The following MROH2B variants were observed in gnomAD, a reference collection of about 807,000 sequenced individuals.
MROH2B encodes maestro heat-like repeat-containing protein family member 2B.
In MROH2B, 177 loss-of-function variants were observed where a neutral mutation model predicts 208.6. That is an observed-to-expected ratio of 0.85 (90% CI 0.75 to 0.96). The LOEUF (loss-of-function observed/expected upper bound fraction) is 0.96. Among genes scored for constraint, MROH2B ranks in the 40% least tolerant of loss-of-function variants. MROH2B has a pLI of 0.00. For missense variants in MROH2B, 2,002 were observed against 1,878.7 expected, an observed-to-expected ratio of 1.07 and a Z score of -1.21; for synonymous variants, 728 against 659.0, an observed-to-expected ratio of 1.10 and a Z score of -1.60.
rs139957235 is a variant in MROH2B at position 41,028,600 on chromosome 5, A to G, written c.2441+4142T>C. ...TGTCTGGCTTATTTTACATAGTATAATGTTGTACAGGTCCACTCATGTTGT... is the reference window on the plus strand; with the variant it reads ...TGTCTGGCTTATTTTACATAGTATAGTGTTGTACAGGTCCACTCATGTTGT... On this transcript the variant is annotated intron_variant, in intron 24 of 41. Transcript: ENST00000399564. Among the ~76,000 whole-genome samples, 38 of 152,248 alleles carry G rather than the reference A, an allele frequency of 2.5e-4. No homozygotes were observed. The East Asian group carries it at 5.4e-3, about 22-fold the overall frequency.
chr5:41,039,487 T>C lies in MROH2B; in HGVS notation c.2022A>G (p.Thr674=). The C allele has an allele frequency of 6.2e-7, 1 of 1,605,598 alleles. No homozygotes were observed. Among genetic ancestry groups the C allele is most frequent in the South Asian group, 1.1e-5 (1 of 89,190 alleles). Reference sequence around the variant, plus strand: ...TGAAAAACTTTTCCTGATTTTGGAATGTTTTAAGAACTTTTAAAACAATAT... The same window carrying C: ...TGAAAAACTTTTCCTGATTTTGGAACGTTTTAAGAACTTTTAAAACAATAT... ...HLDIVLKVLK[T]FQNQEKFFMN... is the part of the protein sequence containing the mutation. Residue 674 remains threonine, a synonymous_variant, in exon 20 of 42, where the codon ACA becomes ACG. Transcript: ENST00000399564.
intron 19 of MROH2B, among the ~76,000 whole-genome samples, chr5:41,040,636 A>G (rs1742914540): frequency 1.3e-5 from 2 of 152,256 alleles, no homozygotes; most frequent in South Asian, 4.1e-4. Flanking sequence ...TAAAAAAGGT[A>G]TTTGAGAAGC....
rs1417514321 is a variant in MROH2B, at chr5:41,044,543, G to A, written c.1836+1203C>T. Among the ~76,000 whole-genome samples, 4 of 152,280 alleles carry A rather than the reference G, an allele frequency of 2.6e-5. No homozygotes were observed. In the South Asian group the frequency reaches 8.3e-4, roughly 32 times the overall value. On this transcript the variant is annotated intron_variant, in intron 18 of 41. Coordinates refer to ENST00000399564, the MANE Select transcript of MROH2B (RefSeq NM_173489.5). ...ACCACCATTATTCTAGAGTAATCTT[G>A]TGGGTCTGGAAGCTGTTGAATAAAT...
chr5:40,999,342 T>C (rs1741312182), intron 40 of MROH2B, among the ~76,000 whole-genome samples: 1 of 152,032 alleles, frequency 6.6e-6, no homozygotes, highest in Admixed American at 6.6e-5. Context: ...TCTTATGGGA[T>C]GAGGTGAAGA....
intron 21 of MROH2B, chr5:41,034,212 G>A (rs551379714): frequency 5.7e-5 from 16 of 280,698 alleles, no homozygotes; most frequent in South Asian, 4.1e-4. Flanking sequence ...AATGAGAAGC[G>A]AAAAACTATA....
Position 41,048,401 on chromosome 5 carries a change from AT to A in MROH2B, c.1606del (p.Ile536TyrfsTer5). ...RGAGAIGLLK[I>X]LPEIIHPKLV... ...TTTTGGGTGAATTATCTCAGGCAGT[AT>A]CTTCAAAAGCCCTATTGCACCAGCC... is the stretch of plus-strand genomic sequence containing the variant. On this transcript the variant is annotated frameshift_variant, in exon 16 of 42. Coordinates refer to ENST00000399564, the MANE Select transcript of MROH2B (RefSeq NM_173489.5). LOFTEE classifies it high-confidence loss of function. The A allele has an allele frequency of 1.2e-6, 2 of 1,613,722 alleles. No homozygotes were observed. The highest frequency in any genetic ancestry group is 1.7e-6 in the Non-Finnish European group (2 of 1,179,726).
At chr5:41,032,269 G>T (rs1742596349) in intron 24 of MROH2B, among the ~76,000 whole-genome samples, 1 of 151,992 alleles carries the variant, frequency 6.6e-6, no homozygotes, top group African/African-American at 2.4e-5. Flanking sequence ...ATTCTGATTG[G>T]CATGAGATGC....
In MROH2B at chr5:41,018,986, T is replaced by C. The variant is rs1199427950; in HGVS notation, c.2474A>G (p.His825Arg). 1.2e-6 allele frequency: 2 copies of C among 1,613,726 alleles called. No homozygotes were observed. Among genetic ancestry groups the C allele is most frequent in the African/African-American group, 1.3e-5 (1 of 74,902 alleles). ...AATATTCTCCTCAAGAATGTTAAGG[T>C]GGTCTTGTAGTGAGAGCTGAGGTTT... The part of the protein sequence containing the change: ...KLKPQLSLQD[H>R]LNILEENIRR... Residue 825 changes from histidine to arginine, a missense_variant, in exon 25 of 42, where the codon CAC (histidine) becomes CGC (arginine). Coordinates refer to ENST00000399564, the MANE Select transcript of MROH2B (RefSeq NM_173489.5).
chr5:41,006,102 T>G (rs991801186), intron 34 of MROH2B, among the ~76,000 whole-genome samples: 13 of 151,800 alleles, frequency 8.6e-5, no homozygotes, highest in Admixed American at 2.6e-4. Flanking sequence ...AGGCTTAAAT[T>G]TTAAAATGGC....
chr5:41,013,343 C>T (rs966344528), intron 29 of MROH2B, among the ~76,000 whole-genome samples: 1 of 152,056 alleles, frequency 6.6e-6, no homozygotes, highest in Admixed American at 6.6e-5. Flanking sequence ...ATACAGAATG[C>T]TTGGTCGATA....
chr5:41,044,623 C>T (rs1056999567), intron 18 of MROH2B, among the ~76,000 whole-genome samples: 1 of 152,156 alleles, frequency 6.6e-6, no homozygotes, highest in African/African-American at 2.4e-5. Flanking sequence ...TGGAGCATTA[C>T]TCGCCAAATT....
chr5:41,032,688 A>G, intron 24 of MROH2B, 54 bp downstream of exon 24: 1 of 1,418,780 alleles, frequency 7.0e-7, no homozygotes, highest in Non-Finnish European at 9.8e-7. Flanking sequence ...GTTGATCAGG[A>G]GGAGGATAAG....
At chr5:40,999,141 A>G (rs896115) in intron 40 of MROH2B, among the ~76,000 whole-genome samples, 1 of 152,116 alleles carries the variant, frequency 6.6e-6, no homozygotes, top group East Asian at 1.9e-4. Context: ...TTCATGATAG[A>G]AGGATCTCTA....
chr5:41,021,522 T>C (rs13161098), intron 24 of MROH2B, among the ~76,000 whole-genome samples: 91,759 of 152,050 alleles, frequency 0.6, 28,182 homozygotes, highest in Non-Finnish European at 0.66. Context: ...GGTCTTATAC[T>C]TACTGATTTC....
chr5:41,058,902 G>C (rs1465738625), intron 6 of MROH2B, among the ~76,000 whole-genome samples: 1 of 151,680 alleles, frequency 6.6e-6, no homozygotes, highest in African/African-American at 2.4e-5. Context: ...ACAAAAATTA[G>C]CTGGGCATGG....
At chr5:41,005,422 C>CGCCTT in intron 35 of MROH2B, 109 bp downstream of exon 35, 1 of 151,118 alleles carries the variant, frequency 6.6e-6, no homozygotes, top group Non-Finnish European at 1.4e-5. Context: ...AACCCCCCCC[C>CGCCTT]CCCTTGAAGT....
chr5:41,016,498 G>GTTTTTTTTTTTTTTT (rs10689623), intron 28 of MROH2B, among the ~76,000 whole-genome samples: 3 of 80,778 alleles, frequency 3.7e-5, no homozygotes, highest in African/African-American at 5.0e-5. Flanking sequence ...CTACTGTAAT[G>GTTTTTTTTTTTTTTT]TTTTTTTTTT....
In MROH2B at chr5:41,057,167, AGCTCT is replaced by A; in HGVS notation, c.856_860del (p.Arg286SerfsTer9). On this transcript the variant is annotated frameshift_variant, in exon 9 of 42. Transcript: ENST00000399564. LOFTEE classifies it high-confidence loss of function. Reference sequence around the variant, plus strand: ...CATTTTCCTTTACTGGAGGCTCTGGAGCTCTGCAGATCTGAATGGGGGTGGAAATC... The same window carrying A: ...CATTTTCCTTTACTGGAGGCTCTGGAGCAGATCTGAATGGGGGTGGAAATC... 1 of 1,613,942 alleles carries A rather than the reference AGCTCT, an allele frequency of 6.2e-7. No individual in the cohort carries two copies. The highest frequency in any genetic ancestry group is 8.5e-7 in the Non-Finnish European group (1 of 1,179,856).
In MROH2B at chr5:41,018,352, T is replaced by C; in HGVS notation, c.2752A>G (p.Asn918Asp). 6.2e-7 allele frequency: 1 copy of C among 1,612,766 alleles called. No individual in the cohort carries two copies. Among genetic ancestry groups the C allele is most frequent in the South Asian group, 1.1e-5 (1 of 90,666 alleles). ...AFQITAKVLT[N>D]DIEAPENFKI... The stretch of plus-strand genomic sequence containing the variant: ...AGGGGATTACTTACCTCAATATCAT[T>C]TGTCAGCACTTTCGCAGTGATCTGG... The change falls in exon 27 of 42, where the codon AAT (asparagine) becomes GAT (aspartate). Residue 918 changes from asparagine to aspartate, a missense_variant. Coordinates refer to ENST00000399564, the MANE Select transcript of MROH2B (RefSeq NM_173489.5).
Sources: gnomAD v4.1 joint callset for allele counts (sites outside exome capture counted in the v4.1 genomes callset) on GRCh38, gnomAD v4.1.1 for gene constraint, MANE v1.5 for transcripts, NCBI Gene and HGNC (gene_info 2026-07-23, HGNC 2026-07-21) for gene names.